Variants in BICC1 observed in about 807,000 individuals in gnomAD.
The protein encoded by BICC1 is protein bicaudal C homolog 1.
In BICC1, 43 loss-of-function variants were observed where a neutral mutation model predicts 111.0. That is an observed-to-expected ratio of 0.39 (90% confidence interval 0.30 to 0.50). The LOEUF is 0.50. Among genes scored for constraint, BICC1 ranks in the 20% least tolerant of loss-of-function variants. BICC1 has a pLI of 0.88. For synonymous variants in BICC1, 467 were observed against 434.4 expected (o/e 1.07, Z -0.93); for missense variants, 1,091 against 1,203.2 (o/e 0.91, Z 1.38).
At chr10:58,557,497 G>A (rs928711452) in intron 1 of BICC1, among the ~76,000 whole-genome samples, 9 of 151,568 alleles carry the variant, frequency 5.9e-5, no homozygotes, top group Non-Finnish European at 1.3e-4. Flanking sequence ...ACATATATTC[G>A]ACTGCTTGAT....
At chr10:58,737,963 A>T (rs1183531510) in intron 3 of BICC1, among the ~76,000 whole-genome samples, 1 of 152,084 alleles carries the variant, frequency 6.6e-6, no homozygotes, top group Non-Finnish European at 1.5e-5. Flanking sequence ...AATTGGTTTG[A>T]GTTCATTGTA....
At chr10:58,815,718 T>C (rs1452972800) in intron 18 of BICC1, among the ~76,000 whole-genome samples, 1 of 152,114 alleles carries the variant, frequency 6.6e-6, no homozygotes, top group African/African-American at 2.4e-5. Flanking sequence ...AAAATTTAAG[T>C]AAAAGTACGT....
At chr10:58,601,144 A>ATATATATATATATG (rs1845017713) in intron 1 of BICC1, among the ~76,000 whole-genome samples, 1 of 107,172 alleles carries the variant, frequency 9.3e-6, no homozygotes, top group Non-Finnish European at 1.9e-5. Context: ...TAAAACTTAT[A>ATATATATATATATG]TATATATATA....
At chr10:58,714,257 A>G (rs900238282) in intron 3 of BICC1, among the ~76,000 whole-genome samples, 4 of 152,196 alleles carry the variant, frequency 2.6e-5, no homozygotes, top group Admixed American at 6.5e-5. Context: ...TGGTGCTTCA[A>G]TTACCTGGCT....
At chr10:58,823,116 A>G (rs1258729231) in intron 20 of BICC1, 1 of 467,510 alleles carries the variant, frequency 2.1e-6, no homozygotes, top group Admixed American at 6.6e-5. Flanking sequence ...GAATATTTTC[A>G]TGATTGGTCA....
At chr10:58,690,848 A>G (rs1034784729) in intron 2 of BICC1, among the ~76,000 whole-genome samples, 2 of 152,200 alleles carry the variant, frequency 1.3e-5, no homozygotes, top group Admixed American at 1.3e-4. Flanking sequence ...GTGTGAATCT[A>G]CAGTAACTGG....
chr10:58,721,878 G>A (rs1840950437), intron 3 of BICC1, among the ~76,000 whole-genome samples: 1 of 152,144 alleles, frequency 6.6e-6, no homozygotes, highest in Non-Finnish European at 1.5e-5. Flanking sequence ...GATCACAAGG[G>A]AAAGGACCCA....
At chr10:58,799,848 C>T (rs1431602448) in intron 12 of BICC1, among the ~76,000 whole-genome samples, 1 of 152,048 alleles carries the variant, frequency 6.6e-6, no homozygotes, top group African/African-American at 2.4e-5. Context: ...TGTTTAGTTC[C>T]ATATGAGTTT....
chr10:58,622,951 G>GA lies in BICC1; in HGVS notation c.237+2052dup, dbSNP rs371789283. On this transcript the variant is annotated intron_variant, in intron 2 of 20. Coordinates refer to ENST00000373886, the MANE Select transcript of BICC1 (RefSeq NM_001080512.3). ...TATGAAGGATCTAGGCTTGTGATTG[G>GA]AATGTTTCTTAGTTTTTACTTTGAG... 1.3e-4 allele frequency among the ~76,000 whole-genome samples: 20 copies of GA among 152,240 alleles called. 1 individual carries two copies. In the East Asian group the frequency reaches 3.9e-3, roughly 29 times the overall value.
intron 3 of BICC1, among the ~76,000 whole-genome samples, chr10:58,735,539 AG>A (rs1469254629): frequency 6.6e-6 from 1 of 151,546 alleles, no homozygotes. Context: ...AACATTTTTA[AG>A]TACCTTCCCT....
chr10:58,754,991 T>C lies in BICC1; in HGVS notation c.308-30010T>C, dbSNP rs568528950. Among the ~76,000 whole-genome samples the C allele has an allele frequency of 3.3e-5, 5 of 152,320 alleles. No individual in the cohort carries two copies. In the South Asian group the frequency reaches 6.2e-4, roughly 19 times the overall value. On this transcript the variant is annotated intron_variant, in intron 3 of 20. Transcript: ENST00000373886. Reference sequence around the variant, plus strand: ...AATACCAGATGAGTTACAGTATGTATTGCAGTCCTTGTATTTTAAGTTACA... The same window carrying C: ...AATACCAGATGAGTTACAGTATGTACTGCAGTCCTTGTATTTTAAGTTACA...
intron 2 of BICC1, among the ~76,000 whole-genome samples, chr10:58,644,924 C>T (rs961110092): frequency 1.1e-4 from 16 of 151,932 alleles, no homozygotes; most frequent in African/African-American, 2.4e-4. Flanking sequence ...TTTTAAATAC[C>T]GGTTCTTAAT....
intron 1 of BICC1, among the ~76,000 whole-genome samples, chr10:58,588,903 C>G (rs1284021277): frequency 6.6e-6 from 1 of 152,140 alleles, no homozygotes; most frequent in African/African-American, 2.4e-5. Context: ...ACTGCAAGCA[C>G]CAGGTAGAGT....
In BICC1 at chr10:58,800,890, G is replaced by A. The variant is rs770410935; in HGVS notation, c.1859G>A (p.Gly620Asp). 1.4e-4 allele frequency: 222 copies of A among 1,591,950 alleles called. No homozygotes were observed. The highest frequency in any genetic ancestry group is 1.9e-4 in the Non-Finnish European group (217 of 1,171,018). ...QTSPKSSPTE[G>D]CNDAFVEVGM... ...ACTTTTTTTTCCTTTTCCTCTGCAGGTTGTAATGATGCTTTTGTTGAAGTA... is the reference window on the plus strand; with the variant it reads ...ACTTTTTTTTCCTTTTCCTCTGCAGATTGTAATGATGCTTTTGTTGAAGTA... The change falls in exon 14 of 21, where the codon GGT (glycine) becomes GAT (aspartate). Residue 620 changes from glycine (G) to aspartate (D), a missense_variant and splice_region_variant. Coordinates refer to ENST00000373886, the MANE Select transcript of BICC1 (RefSeq NM_001080512.3).
At chr10:58,595,880 A>G (rs1480676080) in intron 1 of BICC1, among the ~76,000 whole-genome samples, 1 of 152,134 alleles carries the variant, frequency 6.6e-6, no homozygotes, top group Non-Finnish European at 1.5e-5. Context: ...AAACTGAAGG[A>G]TATAGAGACA....
chr10:58,602,969 T>A (rs1027769617), intron 1 of BICC1, among the ~76,000 whole-genome samples: 1 of 152,174 alleles, frequency 6.6e-6, no homozygotes, highest in African/African-American at 2.4e-5. Flanking sequence ...ACCTGCTGAT[T>A]TACTTTAGCA....
chr10:58,533,051 C>T lies in BICC1; in HGVS notation c.190+19718C>T, dbSNP rs576077016. Among the ~76,000 whole-genome samples the T allele has an allele frequency of 5.6e-4, 84 of 151,272 alleles. 1 individual carries two copies. Among genetic ancestry groups the T allele is most frequent in the African/African-American group, 2.0e-3 (82 of 41,358 alleles). ...GTCAAAAGAAAATAACATCTGCCTC[C>T]GTCCCAAAAAGAAAAATAAAAAAGA... is the stretch of plus-strand genomic sequence containing the variant. On this transcript the variant is annotated intron_variant, in intron 1 of 20. Coordinates refer to ENST00000373886, the MANE Select transcript of BICC1 (RefSeq NM_001080512.3).
chr10:58,640,549 T>C (rs1310200725), intron 2 of BICC1, among the ~76,000 whole-genome samples: 1 of 152,194 alleles, frequency 6.6e-6, no homozygotes, highest in African/African-American at 2.4e-5. Flanking sequence ...ATGCAGCTTA[T>C]AGACATTTGT....
chr10:58,778,460 C>G (rs2132754301), intron 3 of BICC1, among the ~76,000 whole-genome samples: 1 of 152,054 alleles, frequency 6.6e-6, no homozygotes, highest in African/African-American at 2.4e-5. Flanking sequence ...GTATTATATA[C>G]AGTAGTCTTA....
Sources: allele counts gnomAD v4.1 joint callset (sites outside exome capture counted in the v4.1 genomes callset), GRCh38; gene constraint gnomAD v4.1.1; transcripts MANE v1.5; gene names NCBI Gene and HGNC (gene_info 2026-07-23, HGNC 2026-07-21).